UGDH: variants seen among roughly 807,000 people sequenced by gnomAD.
The protein encoded by UGDH is UDP-glucose 6-dehydrogenase.
UGDH carries 38 observed loss-of-function variants against 50.6 expected under a neutral mutation model. The observed-to-expected ratio is 0.75, with a 90% CI of 0.58 to 0.98. UGDH has a LOEUF of 0.98. Among genes scored for constraint, UGDH ranks in the 50% least tolerant of loss-of-function variants. The pLI is 0.00. For synonymous variants in UGDH, 168 were observed against 199.9 expected (o/e 0.84, Z 1.35); for missense variants, 465 against 606.2 (o/e 0.77, Z 2.45).
chr4:39,500,986 A>G (rs1369236862), intron 11 of UGDH, among the ~76,000 whole-genome samples: 1 of 137,958 alleles, frequency 7.2e-6, no homozygotes, highest in African/African-American at 2.8e-5. Flanking sequence ...TTTTTTTGAG[A>G]TGGAGTCTTG....
intron 3 of UGDH, among the ~76,000 whole-genome samples, chr4:39,512,385 T>C (rs947490500): frequency 2.6e-5 from 4 of 152,158 alleles, no homozygotes; most frequent in African/African-American, 9.7e-5. Flanking sequence ...GTTGTTTACA[T>C]GCATGGAACA....
intron 8 of UGDH, 103 bp from the exon 9 acceptor site, chr4:39,505,473 G>A: frequency 8.7e-7 from 1 of 1,153,134 alleles, no homozygotes; most frequent in Non-Finnish European, 1.1e-6. Flanking sequence ...GAAGCTGGTA[G>A]AGTGGTGAAG....
At position 39,525,891 on chromosome 4, in the gene UGDH, G is replaced by T. The variant is rs143525135; in HGVS notation, c.-8+1392C>A. On this transcript the variant is annotated intron_variant, in intron 1 of 11. Transcript: ENST00000316423. The stretch of plus-strand genomic sequence containing the variant: ...CATAGGAGTGTTTCCTTATTAAATG[G>T]GTTATTTTGAAATGAGTTTTTACCT... Among the ~76,000 whole-genome samples the T allele has an allele frequency of 1.3e-3, 197 of 152,178 alleles. 3 individuals carry two copies. In the East Asian group the frequency reaches 0.036, roughly 28 times the overall value.
intron 1 of UGDH, among the ~76,000 whole-genome samples, chr4:39,522,785 G>C (rs1261716303): frequency 5.1e-5 from 7 of 136,954 alleles, no homozygotes; most frequent in Admixed American, 1.5e-4. Context: ...TTTTTTTAAT[G>C]AGACAGAGTC....
chr4:39,504,065 T>C, intron 10 of UGDH, 80 bp from the exon 11 acceptor site: 5 of 1,195,956 alleles, frequency 4.2e-6, no homozygotes, highest in Non-Finnish European at 4.8e-6. Flanking sequence ...TCCCAGCACT[T>C]TGGGAGGCCA....
At chr4:39,501,524 C>A (rs986297786) in intron 11 of UGDH, among the ~76,000 whole-genome samples, 1 of 148,254 alleles carries the variant, frequency 6.7e-6, no homozygotes, top group Non-Finnish European at 1.5e-5. Flanking sequence ...CCGCCCGCCT[C>A]GGCCTCCCAA....
At chr4:39,521,061 C>T (rs1746634375) in intron 2 of UGDH, among the ~76,000 whole-genome samples, 1 of 132,706 alleles carries the variant, frequency 7.5e-6, no homozygotes, top group Non-Finnish European at 1.5e-5. Context: ...CAGAGGAAGA[C>T]TCCGTCTCAA....
In UGDH at chr4:39,505,318, G is replaced by A. The variant is rs543523320; in HGVS notation, c.1090C>T (p.Leu364=). ...GGTACTTTTGGATCATATATATGTA[G>A]ATGTGCACCTTCATCCATCAAATAT... ...SKYLMDEGAH[L]HIYDPKVPRE... Residue 364 remains leucine, a synonymous_variant, in exon 9 of 12, where the codon CTA becomes TTA. Transcript: ENST00000316423. 6.3e-7 allele frequency: 1 copy of A among 1,592,310 alleles called. No homozygotes were observed. The highest frequency in any genetic ancestry group is 8.5e-7 in the Non-Finnish European group (1 of 1,170,432).
chr4:39,506,584 C>A (rs774933574), intron 7 of UGDH, among the ~76,000 whole-genome samples: 18 of 152,188 alleles, frequency 1.2e-4, no homozygotes, highest in Non-Finnish European at 2.1e-4. Flanking sequence ...AACACCACAA[C>A]TATTTGACAA....
intron 6 of UGDH, among the ~76,000 whole-genome samples, chr4:39,509,061 A>C (rs1746132298): frequency 6.7e-6 from 1 of 150,086 alleles, no homozygotes; most frequent in Non-Finnish European, 1.5e-5. Flanking sequence ...TGCAGCCTTG[A>C]CCTCCTGGGC....
chr4:39,504,761 G>A (rs940750824), intron 9 of UGDH, among the ~76,000 whole-genome samples: 1 of 152,198 alleles, frequency 6.6e-6, no homozygotes, highest in African/African-American at 2.4e-5. Context: ...GTCCCAGGCA[G>A]GATGAAGCAG....
chr4:39,506,915 CA>C (rs1264178606), intron 7 of UGDH, among the ~76,000 whole-genome samples: 37 of 152,074 alleles, frequency 2.4e-4, no homozygotes, highest in Non-Finnish European at 1.5e-5. Flanking sequence ...CCCAGCTACT[CA>C]GGAGGCTCAG....
At chr4:39,514,792 C>T (rs1049721772) in intron 2 of UGDH, among the ~76,000 whole-genome samples, 2 of 151,146 alleles carry the variant, frequency 1.3e-5, no homozygotes, top group African/African-American at 2.4e-5. Context: ...AAGCAGTTCT[C>T]CTGCCTCAGC....
At chr4:39,509,727 A>G (rs376382481) in intron 6 of UGDH, 33 bp downstream of exon 6, 78 of 1,592,084 alleles carry the variant, frequency 4.9e-5, no homozygotes, top group Non-Finnish European at 5.7e-5. Context: ...AATAAACACT[A>G]GCTCTTTCTA....
chr4:39,517,480 G>A lies in UGDH; in HGVS notation c.163-3296C>T, dbSNP rs369857995. 1.8e-3 allele frequency among the ~76,000 whole-genome samples: 281 copies of A among 152,242 alleles called. 1 individual carries two copies. In the Middle Eastern group the frequency reaches 0.034, roughly 18 times the overall value. On this transcript the variant is annotated intron_variant, in intron 2 of 11. Coordinates refer to ENST00000316423, the MANE Select transcript of UGDH (RefSeq NM_003359.4). ...CCACCTTGGCCTCCCAAAGTGCTGG[G>A]ATTACAGGTGTGAGCCACCACACCC...
chr4:39,519,842 T>C (rs563691680), intron 2 of UGDH, among the ~76,000 whole-genome samples: 1 of 152,202 alleles, frequency 6.6e-6, no homozygotes, highest in Non-Finnish European at 1.5e-5. Flanking sequence ...GCCGCCAATA[T>C]TTCAATCCTA....
At chr4:39,515,649 A>C (rs1035483786) in intron 2 of UGDH, among the ~76,000 whole-genome samples, 1 of 152,184 alleles carries the variant, frequency 6.6e-6, no homozygotes, top group Non-Finnish European at 1.5e-5. Flanking sequence ...ATTTACATTA[A>C]ATAAAGAATA....
In UGDH at chr4:39,510,701, C is replaced by T. The variant is rs368044471; in HGVS notation, c.425G>A (p.Arg142His). ...VPVRAAESIR[R>H]IFDANTKPNL... The stretch of plus-strand genomic sequence containing the variant: ...GGGTTTTGTGTTTGCATCAAATATG[C>T]GACGGATACTTTCTGCTGCCCGCAC... The change falls in exon 4 of 12, where the codon CGC becomes CAC. Residue 142 changes from arginine (R) to histidine (H), a missense_variant. Arg to His is a conservative substitution (Grantham distance 29). Coordinates refer to ENST00000316423, the MANE Select transcript of UGDH (RefSeq NM_003359.4). 13 of 1,614,068 alleles carry T rather than the reference C, an allele frequency of 8.1e-6. No individual in the cohort carries two copies. The highest frequency in any genetic ancestry group is 2.7e-5 in the African/African-American group (2 of 74,908).
intron 2 of UGDH, among the ~76,000 whole-genome samples, chr4:39,519,393 A>G (rs1351176187): frequency 2.6e-5 from 4 of 152,148 alleles, no homozygotes; most frequent in African/African-American, 9.7e-5. Flanking sequence ...GGCAGAATTC[A>G]TTACTGAATG....
Sources: gnomAD v4.1 joint callset for allele counts (sites outside exome capture counted in the v4.1 genomes callset) on GRCh38, gnomAD v4.1.1 for gene constraint, MANE v1.5 for transcripts, NCBI Gene and HGNC (gene_info 2026-07-23, HGNC 2026-07-21) for gene names.